The following KCNMA1 variants were observed in gnomAD, a reference collection of about 807,000 sequenced individuals.
The protein encoded by KCNMA1 is potassium calcium-activated channel subfamily M alpha 1.
In KCNMA1, 29 loss-of-function variants were observed where a neutral mutation model predicts 140.0. That is an observed-to-expected ratio of 0.21 (90% CI 0.15 to 0.28). The LOEUF (loss-of-function observed/expected upper bound fraction) is 0.28, where lower values mean the gene tolerates loss of function less well. Ranked by LOEUF, KCNMA1 falls within the 10% of genes least tolerant of loss-of-function variation. The pLI is 1.00. For synonymous variants in KCNMA1, 612 were observed against 611.9 expected (o/e 1.00, Z 0.00); for missense variants, 880 against 1,602.2 (o/e 0.55, Z 7.70).
intron 25 of KCNMA1, among the ~76,000 whole-genome samples, chr10:76,893,632 C>T (rs1249422138): frequency 6.6e-6 from 1 of 151,996 alleles, no homozygotes; most frequent in East Asian, 1.9e-4. Context: ...CCCAGATCCT[C>T]GGGAGGCTGA....
chr10:77,424,966 C>A (rs981041016), intron 1 of KCNMA1, among the ~76,000 whole-genome samples: 1 of 152,254 alleles, frequency 6.6e-6, no homozygotes, highest in Admixed American at 6.5e-5. Context: ...AGGCAGCATG[C>A]AACTGTGCTC....
intron 19 of KCNMA1, among the ~76,000 whole-genome samples, chr10:76,999,022 T>A (rs995495830): frequency 6.6e-6 from 1 of 152,182 alleles, no homozygotes; most frequent in African/African-American, 2.4e-5. Flanking sequence ...CAATACCAGT[T>A]AAGGCTTCAA....
Position 76,909,814 on chromosome 10 carries a change from T to G in KCNMA1, c.3147+152A>C. 3 of 783,124 alleles carry G rather than the reference T, an allele frequency of 3.8e-6. No individual in the cohort carries two copies. In the South Asian group the frequency reaches 4.5e-5, roughly 12 times the overall value. The allele number at this position is 783,124 out of a possible 1,614,324, so 48.5% of individuals were successfully genotyped here. A position where few individuals can be genotyped will look rare whatever the true frequency, so the allele number is the denominator to read the frequency against. ...TCAAACATTTACTTGTGTGATGGTT[T>G]TATAATGTGGGTCTCCCCTTCTAAG... On this transcript the variant is annotated intron_variant, in intron 25 of 27. Coordinates refer to ENST00000286628, the MANE Select transcript of KCNMA1 (RefSeq NM_001161352.2).
chr10:77,532,271 T>A (rs964834893), intron 1 of KCNMA1, among the ~76,000 whole-genome samples: 3 of 152,176 alleles, frequency 2.0e-5, no homozygotes, highest in African/African-American at 7.2e-5. Context: ...AGCAGGCGTG[T>A]GCTAACACGT....
In KCNMA1 at chr10:77,110,325, G is replaced by A; in HGVS notation, c.979C>T (p.Pro327Ser). 1 of 1,613,722 alleles carries A rather than the reference G, an allele frequency of 6.2e-7. No homozygotes were observed. The highest frequency in any genetic ancestry group is 2.2e-5 in the East Asian group (1 of 44,880). Residue 327 changes from proline to serine, a missense_variant, in exon 8 of 28, where the codon CCA becomes TCA. Around this residue, in one of 13 missense-constraint regions of KCNMA1, gnomAD observed 198 missense variants for 580.1 expected, o/e 0.34. Transcript: ENST00000286628. ...TGGTTGTTTTGGAAATTTTCCCATGGGTCCCCTGAATTCTCCACCTAAAGC... is the reference window on the plus strand; with the variant it reads ...TGGTTGTTTTGGAAATTTTCCCATGAGTCCCCTGAATTCTCCACCTAAAGC... ...FIHLVENSGD[P>S]WENFQNNQAL... is the part of the protein sequence containing the mutation.
chr10:77,386,156 T>A (rs1163728426), intron 2 of KCNMA1, among the ~76,000 whole-genome samples: 1 of 152,102 alleles, frequency 6.6e-6, no homozygotes, highest in East Asian at 1.9e-4. Flanking sequence ...AAAGGAAACA[T>A]GGGGTCATCT....
chr10:77,613,772 T>C lies in KCNMA1; in HGVS notation c.378+23493A>G, dbSNP rs570441146. 2.6e-5 allele frequency among the ~76,000 whole-genome samples: 4 copies of C among 152,286 alleles called. No homozygotes were observed. The East Asian group carries it at 7.7e-4, about 29-fold the overall frequency. Reference sequence around the variant, plus strand: ...ACTTGGCTCCTCTCACGATAGCTGGTGGCTGGCCTGACAGAGGCCCCTTCA... The same window carrying C: ...ACTTGGCTCCTCTCACGATAGCTGGCGGCTGGCCTGACAGAGGCCCCTTCA... On this transcript the variant is annotated intron_variant, in intron 1 of 27. Transcript: ENST00000286628.
chr10:76,883,263 C>A (rs1003965825), downstream of KCNMA1, among the ~76,000 whole-genome samples: 2 of 151,940 alleles, frequency 1.3e-5, no homozygotes, highest in Non-Finnish European at 2.9e-5. Flanking sequence ...ACCAAGAGGA[C>A]AAGGGTAATA....
At chr10:77,302,444 G>A (rs1478674287) in intron 2 of KCNMA1, among the ~76,000 whole-genome samples, 2 of 152,080 alleles carry the variant, frequency 1.3e-5, no homozygotes, top group African/African-American at 4.8e-5. Context: ...TACAAGCATT[G>A]CTCGGGTCCA....
intron 23 of KCNMA1, among the ~76,000 whole-genome samples, chr10:76,932,601 G>A (rs2059550272): frequency 6.6e-6 from 1 of 152,064 alleles, no homozygotes. Context: ...GGTGTTTTGG[G>A]GTGGGGTCAT....
At chr10:76,944,533 G>T (rs143706548) in intron 23 of KCNMA1, among the ~76,000 whole-genome samples, 2 of 152,304 alleles carry the variant, frequency 1.3e-5, no homozygotes, top group Non-Finnish European at 2.9e-5. Context: ...CTATTTAAAG[G>T]CTTGTTTATC....
At chr10:77,008,148 A>G in intron 18 of KCNMA1, 1 of 1,529,346 alleles carries the variant, frequency 6.5e-7, no homozygotes. Context: ...GACAGGGGGA[A>G]CTGGACTCCG....
At chr10:77,401,966 C>A (rs996538596) in intron 2 of KCNMA1, among the ~76,000 whole-genome samples, 1 of 152,180 alleles carries the variant, frequency 6.6e-6, no homozygotes, top group African/African-American at 2.4e-5. Flanking sequence ...TTCTCCAGAG[C>A]TGAAACAAAT....
At chr10:77,577,210 C>G (rs1603637409) in intron 1 of KCNMA1, among the ~76,000 whole-genome samples, 1 of 151,710 alleles carries the variant, frequency 6.6e-6, no homozygotes, top group African/African-American at 2.4e-5. Flanking sequence ...CCATGCCCGG[C>G]TAATTTTTTT....
intron 14 of KCNMA1, among the ~76,000 whole-genome samples, chr10:77,046,221 G>A (rs919784546): frequency 2.0e-5 from 3 of 152,128 alleles, no homozygotes; most frequent in African/African-American, 4.8e-5. Flanking sequence ...TCTTAGAAGT[G>A]CTTAATAAGA....
Position 76,949,213 on chromosome 10 carries a change from CA to C in KCNMA1, c.2637del (p.Phe879LeufsTer29). ...FHYHELKHIV[F>X]VGSIEYLKRE... ...CGCTTGAGGTACTCAATAGAGCCCA[CA>C]AACACAATGTGCTTGAGCTCATGGT... On this transcript the variant is annotated frameshift_variant, in exon 22 of 28. Coordinates refer to ENST00000286628, the MANE Select transcript of KCNMA1 (RefSeq NM_001161352.2). LOFTEE classifies it high-confidence loss of function. The C allele has an allele frequency of 6.2e-7, 1 of 1,614,200 alleles. No individual in the cohort carries two copies. The highest frequency in any genetic ancestry group is 8.5e-7 in the Non-Finnish European group (1 of 1,180,024).
At chr10:76,999,289 G>A (rs1324974237) in intron 19 of KCNMA1, among the ~76,000 whole-genome samples, 6 of 152,252 alleles carry the variant, frequency 3.9e-5, no homozygotes, top group Non-Finnish European at 1.5e-5. Context: ...AGAGTGTGCT[G>A]TGATTGGTAT....
At chr10:77,083,862 G>T (rs1466526690) in intron 12 of KCNMA1, among the ~76,000 whole-genome samples, 1 of 151,556 alleles carries the variant, frequency 6.6e-6, no homozygotes, top group African/African-American at 2.4e-5. Context: ...GGGGGTTGGG[G>T]GAGGTGGGAG....
At chr10:77,392,583 T>G (rs757065924) in intron 2 of KCNMA1, among the ~76,000 whole-genome samples, 1 of 152,238 alleles carries the variant, frequency 6.6e-6, no homozygotes, top group Non-Finnish European at 1.5e-5. Context: ...TTTTGCTGAA[T>G]GAACCAACAT....
Sources: gnomAD v4.1 joint callset for allele counts (sites outside exome capture counted in the v4.1 genomes callset) on GRCh38, gnomAD v4.1.1 for gene constraint, gnomAD v4.1.1 regional missense constraint, MANE v1.5 for transcripts, NCBI Gene and HGNC (gene_info 2026-07-23, HGNC 2026-07-21) for gene names.